Variants in SMIM31 observed in about 807,000 individuals in gnomAD.
The protein encoded by SMIM31 is small integral membrane protein 31, also known as human epithelial cell program regulator.
At chr4:164,768,439 A>AG (rs1390990552) in intron 1 of SMIM31, among the ~76,000 whole-genome samples, 1 of 151,386 alleles carries the variant, frequency 6.6e-6, no homozygotes, top group African/African-American at 2.4e-5. Context: ...AAAAAAAAAA[A>AG]AAAAGAATGA....
At chr4:164,770,670 CTTTG>C (rs1732788696) in intron 2 of SMIM31, 115 bp downstream of exon 2, 2 of 395,220 alleles carry the variant, frequency 5.1e-6, no homozygotes, top group East Asian at 7.2e-5. Flanking sequence ...GTGAGGATAA[CTTTG>C]TTTTTGTTTT....
intron 1 of SMIM31, among the ~76,000 whole-genome samples, chr4:164,758,122 T>C (rs1732591323): frequency 6.6e-6 from 1 of 152,116 alleles, no homozygotes; most frequent in African/African-American, 2.4e-5. Flanking sequence ...TTTTTGTTAA[T>C]TTATTTTTAA....
rs1197329544 is a variant in SMIM31 at position 164,801,852 on chromosome 4, G to A, written c.*658G>A. On this transcript the variant is annotated 3_prime_UTR_variant, in exon 3 of 3. Coordinates refer to ENST00000507311, the MANE Select transcript of SMIM31 (RefSeq NM_001352885.1). ...CCAATACTATGTAAATCCTTAATGT[G>A]TAAGCATCCAGGAAAATTTGTCATT... The A allele has an allele frequency of 6.6e-6, 1 of 152,040 alleles. No individual in the cohort carries two copies. Among genetic ancestry groups the A allele is most frequent in the African/African-American group, 2.4e-5 (1 of 41,388 alleles). 9.4% of individuals were successfully genotyped at this position (152,040 alleles called of 1,614,324 possible). A position where few individuals can be genotyped will look rare whatever the true frequency, so the allele number is the denominator to read the frequency against.
At chr4:164,780,057 A>G (rs998546950) in intron 2 of SMIM31, among the ~76,000 whole-genome samples, 2 of 152,232 alleles carry the variant, frequency 1.3e-5, no homozygotes, top group Non-Finnish European at 2.9e-5. Flanking sequence ...TGGGAATGCC[A>G]AAGCTTTGTC....
At chr4:164,800,710 T>C (rs1353034958) in intron 2 of SMIM31, among the ~76,000 whole-genome samples, 1 of 152,170 alleles carries the variant, frequency 6.6e-6, no homozygotes, top group Non-Finnish European at 1.5e-5. Context: ...CACCCAGCCC[T>C]CTACAGCTTT....
At chr4:164,791,875 A>G (rs72990478) in intron 2 of SMIM31, among the ~76,000 whole-genome samples, 13,818 of 152,060 alleles carry the variant, frequency 0.091, 722 homozygotes, top group African/African-American at 0.15. Context: ...TGAGTCTCCA[A>G]TGTCTGTTTA....
At chr4:164,772,844 C>G (rs1732829599) in intron 2 of SMIM31, among the ~76,000 whole-genome samples, 1 of 151,632 alleles carries the variant, frequency 6.6e-6, no homozygotes, top group South Asian at 2.1e-4. Flanking sequence ...TCCCAAAGTG[C>G]TGGGATTACA....
chr4:164,755,779 C>T (rs1295003421), intron 1 of SMIM31, among the ~76,000 whole-genome samples: 1 of 152,010 alleles, frequency 6.6e-6, no homozygotes. Flanking sequence ...CTAGCAATTA[C>T]ATCATCAACA....
Position 164,801,185 on chromosome 4 carries a change from TG to T in SMIM31, c.208del (p.Glu70SerfsTer12), listed in dbSNP as rs571387891. The T allele has an allele frequency of 2.5e-6, 1 of 399,002 alleles. No homozygotes were observed. Among genetic ancestry groups the T allele is most frequent in the Non-Finnish European group, 4.4e-6 (1 of 226,034 alleles). 24.7% of individuals were successfully genotyped at this position (399,002 alleles called of 1,614,324 possible). On this transcript the variant is annotated frameshift_variant, in exon 3 of 3. Coordinates refer to ENST00000507311, the MANE Select transcript of SMIM31 (RefSeq NM_001352885.1). LOFTEE classifies it high-confidence loss of function. ...AGGAAGAGCACAGAATTGAAGCTGTTGAGCTATGATCTCATAGCCACCGATA... is the reference window on the plus strand; with the variant it reads ...AGGAAGAGCACAGAATTGAAGCTGTTAGCTATGATCTCATAGCCACCGATA... ...SEEEHRIEAVEL is the reference protein window; with the variant it reads ...SEEEHRIEAVXL
At chr4:164,773,864 G>C (rs1432424844) in intron 2 of SMIM31, among the ~76,000 whole-genome samples, 1 of 152,024 alleles carries the variant, frequency 6.6e-6, no homozygotes, top group Non-Finnish European at 1.5e-5. Context: ...AATTTAGATA[G>C]AGCAATAAGA....
At chr4:164,784,632 T>C (rs1394215583) in intron 2 of SMIM31, among the ~76,000 whole-genome samples, 1 of 152,114 alleles carries the variant, frequency 6.6e-6, no homozygotes, top group Non-Finnish European at 1.5e-5. Flanking sequence ...TTACTAACAG[T>C]TTGCTTCCTA....
intron 1 of SMIM31, 140 bp downstream of exon 1, chr4:164,754,551 A>ATTTTTTTTTTTTTTTTTTTTTTTTTTTTT (rs57916805): frequency 1.8e-5 from 1 of 55,620 alleles, no homozygotes; most frequent in Admixed American, 2.9e-4. Context: ...TCCTGGAGGT[A>ATTTTTTTTTTTTTTTTTTTTTTTTTTTTT]TTTTTTTTTT....
At chr4:164,799,133 C>A (rs1733249657) in intron 2 of SMIM31, among the ~76,000 whole-genome samples, 1 of 152,032 alleles carries the variant, frequency 6.6e-6, no homozygotes, top group African/African-American at 2.4e-5. Context: ...CGTCTATAAT[C>A]CCAGAACTTT....
chr4:164,755,909 C>G (rs1313450512), intron 1 of SMIM31, among the ~76,000 whole-genome samples: 1 of 152,030 alleles, frequency 6.6e-6, no homozygotes, highest in Admixed American at 6.6e-5. Context: ...CATCCAAATG[C>G]CTTCCATGTA....
intron 2 of SMIM31, among the ~76,000 whole-genome samples, chr4:164,792,197 C>A (rs1456782794): frequency 6.6e-6 from 1 of 152,196 alleles, no homozygotes; most frequent in Non-Finnish European, 1.5e-5. Flanking sequence ...CCACAGACTA[C>A]ACTTTAAGTA....
chr4:164,765,752 TCA>T (rs1215664559), intron 1 of SMIM31, among the ~76,000 whole-genome samples: 2 of 152,128 alleles, frequency 1.3e-5, no homozygotes, highest in Admixed American at 6.5e-5. Context: ...CTGCAGTATC[TCA>T]CAGATTTTTT....
Position 164,803,631 on chromosome 4 carries a change from C to T in SMIM31, c.*2437C>T, listed in dbSNP as rs1047665808. On this transcript the variant is annotated 3_prime_UTR_variant, in exon 3 of 3. Coordinates refer to ENST00000507311, the MANE Select transcript of SMIM31 (RefSeq NM_001352885.1). Reference sequence around the variant, plus strand: ...CCAAGATGGTGAAACCTCCTCTCTACTAAAAATACAAAAATTAGCCAGGCG... The same window carrying T: ...CCAAGATGGTGAAACCTCCTCTCTATTAAAAATACAAAAATTAGCCAGGCG... The T allele has an allele frequency of 1.3e-5, 2 of 151,012 alleles. No individual in the cohort carries two copies. The highest frequency in any genetic ancestry group is 1.3e-4 in the Admixed American group (2 of 15,160). 9.4% of individuals were successfully genotyped at this position (151,012 alleles called of 1,614,324 possible). A position where few individuals can be genotyped will look rare whatever the true frequency, so the allele number is the denominator to read the frequency against.
chr4:164,802,514 G>T lies in SMIM31; in HGVS notation c.*1320G>T, dbSNP rs1021412809. On this transcript the variant is annotated 3_prime_UTR_variant, in exon 3 of 3. Transcript: ENST00000507311. ...GCCTCCCAAAGCACTGGGATTACAC[G>T]CATGAGCCACCATGCCTGGCCTGTT... 3.3e-5 allele frequency: 5 copies of T among 152,230 alleles called. No homozygotes were observed. Among genetic ancestry groups the T allele is most frequent in the Non-Finnish European group, 7.3e-5 (5 of 68,084 alleles). The allele number at this position is 152,230 out of a possible 1,614,324, so 9.4% of individuals were successfully genotyped here.
At chr4:164,787,408 A>C (rs1037376455) in intron 2 of SMIM31, 6 of 152,170 alleles carry the variant, frequency 3.9e-5, no homozygotes, top group African/African-American at 1.4e-4. Flanking sequence ...AGAAAAAAGA[A>C]AAAAAGAAAT....
Sources: allele counts gnomAD v4.1 joint callset (sites outside exome capture counted in the v4.1 genomes callset), GRCh38; gene constraint gnomAD v4.1.1; transcripts MANE v1.5; gene names NCBI Gene and HGNC (gene_info 2026-07-23, HGNC 2026-07-21).